The following CLUL1 variants were observed in gnomAD, a reference collection of about 807,000 sequenced individuals.
The protein encoded by CLUL1 is clusterin-like protein 1.
A neutral mutation model predicts 49.4 loss-of-function variants in CLUL1; 43 were observed. The ratio of observed to expected loss-of-function variants is 0.87; its 90% CI spans 0.68 to 1.12. The LOEUF is 1.12. Among genes scored for constraint, CLUL1 ranks in the 50% most tolerant of loss-of-function variants. CLUL1 has a pLI of 0.00. For synonymous variants in CLUL1, 192 were observed against 184.9 expected (o/e 1.04, Z -0.31); for missense variants, 486 against 544.4 (o/e 0.89, Z 1.07).
At chr18:631,998 A>AGT (rs2074005202) in intron 6 of CLUL1, among the ~76,000 whole-genome samples, 1 of 152,224 alleles carries the variant, frequency 6.6e-6, no homozygotes, top group Non-Finnish European at 1.5e-5. Context: ...TCTATCGAAC[A>AGT]GTGCTTCACT....
Position 627,344 on chromosome 18 carries a change from C to T in CLUL1, c.671C>T (p.Thr224Ile), listed in dbSNP as rs2073839872. 6.2e-7 allele frequency: 1 copy of T among 1,614,126 alleles called. No individual in the cohort carries two copies. The highest frequency in any genetic ancestry group is 8.5e-7 in the Non-Finnish European group (1 of 1,180,012). The change falls in exon 6 of 10, where the codon ACT becomes ATT. Residue 224 changes from threonine to isoleucine, a missense_variant. By Grantham distance (89) the Thr-to-Ile change is moderately conservative (BLOSUM62 -1). Coordinates refer to ENST00000692774, the MANE Select transcript of CLUL1 (RefSeq NM_001393344.1). The part of the protein sequence containing the change: ...QSHFISDTDL[T>I]EPYFFPAFSK... ...CATTTCATATCAGATACAGACCTAA[C>T]TGAGCCTTACTTTTTTCCAGCTTTC...
Position 630,861 on chromosome 18 carries a change from A to ATT in CLUL1, c.857-2425_857-2424dup, listed in dbSNP as rs59357214. Among the ~76,000 whole-genome samples, 562 of 140,794 alleles carry ATT rather than the reference A, an allele frequency of 4.0e-3. 2 individuals carry two copies. The highest frequency in any genetic ancestry group is 0.014 in the African/African-American group (538 of 38,440). The allele number at this position is 140,794 out of a possible 152,430, so 92.4% of individuals were successfully genotyped here. A position where few individuals can be genotyped will look rare whatever the true frequency, so the allele number is the denominator to read the frequency against. On this transcript the variant is annotated intron_variant, in intron 6 of 9. Transcript: ENST00000692774. ...GCCACCACGCCCAGCTAATTTTTGCATTTTTTTTTTTTTGAGACAGATGAC... is the reference window on the plus strand; with the variant it reads ...GCCACCACGCCCAGCTAATTTTTGCATTTTTTTTTTTTTTTGAGACAGATGAC...
rs762163138 is a variant in CLUL1 at position 607,112 on chromosome 18, A to C, written c.-14+13A>C. On this transcript the variant is annotated intron_variant, in intron 2 of 9. Coordinates refer to ENST00000692774, the MANE Select transcript of CLUL1 (RefSeq NM_001393344.1). ...CCTGGGACTACAGGTATGCACCGCT[A>C]TACCCGTCTATCTTTTATTTATTTA... 9 of 701,644 alleles carry C rather than the reference A, an allele frequency of 1.3e-5. No homozygotes were observed. The highest frequency in any genetic ancestry group is 2.1e-5 in the Non-Finnish European group (8 of 384,680). 43.5% of individuals were successfully genotyped at this position (701,644 alleles called of 1,614,324 possible). A position where few individuals can be genotyped will look rare whatever the true frequency, so the allele number is the denominator to read the frequency against.
chr18:606,253 A>G lies in CLUL1; in HGVS notation c.-135-725A>G, dbSNP rs1006024768. 6.6e-6 allele frequency among the ~76,000 whole-genome samples: 1 copy of G among 152,102 alleles called. No individual in the cohort carries two copies. Among genetic ancestry groups the G allele is most frequent in the African/African-American group, 2.4e-5 (1 of 41,412 alleles). ...GTGCAGACCCACAACAGGGAGAAGG[A>G]CGGCCACAGTCCCTCAATCCCCCTT... On this transcript the variant is annotated intron_variant, in intron 1 of 9. Coordinates refer to ENST00000692774, the MANE Select transcript of CLUL1 (RefSeq NM_001393344.1). This position sits in a 1 kb window ranked among gnomAD's most constrained non-coding sequence, Gnocchi z 4.1.
At chr18:640,301 T>G (rs1385950294) in intron 7 of CLUL1, among the ~76,000 whole-genome samples, 1 of 151,858 alleles carries the variant, frequency 6.6e-6, no homozygotes, top group Non-Finnish European at 1.5e-5. Context: ...TCCTAGCTAC[T>G]CAGGAGGCTA....
intron 2 of CLUL1, 41 bp from the exon 3 acceptor site, chr18:617,947 A>G: frequency 6.4e-7 from 1 of 1,553,092 alleles, no homozygotes; most frequent in South Asian, 1.1e-5. Flanking sequence ...GAAACTAACC[A>G]AATGGAAGAC....
intron 7 of CLUL1, among the ~76,000 whole-genome samples, chr18:640,681 T>G (rs2074319176): frequency 6.6e-6 from 1 of 152,216 alleles, no homozygotes; most frequent in East Asian, 1.9e-4. Context: ...TACATTTGCT[T>G]TCAAGGTTTT....
In CLUL1 at chr18:626,859, T is replaced by G. The variant is rs759245968; in HGVS notation, c.424-238T>G. On this transcript the variant is annotated intron_variant, in intron 5 of 9. Transcript: ENST00000692774. ...CTGAGTGACAGAGCAAGACTCCATCTCAAATAAGAAAGAAAGAAAGAAAGA... is the reference window on the plus strand; with the variant it reads ...CTGAGTGACAGAGCAAGACTCCATCGCAAATAAGAAAGAAAGAAAGAAAGA... 1.9e-3 allele frequency among the ~76,000 whole-genome samples: 202 copies of G among 106,872 alleles called. 10 individuals carry two copies. The highest frequency in any genetic ancestry group is 3.0e-3 in the Non-Finnish European group (153 of 50,620). The allele number at this position is 106,872 out of a possible 152,430, so 70.1% of individuals were successfully genotyped here. A position where few individuals can be genotyped will look rare whatever the true frequency, so the allele number is the denominator to read the frequency against.
chr18:611,790 T>C (rs140838182), intron 2 of CLUL1, among the ~76,000 whole-genome samples: 2 of 152,180 alleles, frequency 1.3e-5, no homozygotes, highest in Non-Finnish European at 2.9e-5. Flanking sequence ...TTGGTCATCA[T>C]TGGCTTCTTG....
chr18:608,399 C>G (rs2073040994), intron 2 of CLUL1, among the ~76,000 whole-genome samples: 1 of 152,174 alleles, frequency 6.6e-6, no homozygotes. Flanking sequence ...TCTTGGTGAT[C>G]AGGGAGGTGT....
At chr18:626,936 AAGG>A (rs1567966733) in intron 5 of CLUL1, among the ~76,000 whole-genome samples, 158 bp from the exon 6 acceptor site, 283 of 2,908 alleles carry the variant, frequency 0.097, 97 homozygotes, top group Non-Finnish European at 0.29. Flanking sequence ...AGAAGGAAAG[AAGG>A]AAAGAAGGAA....
intron 7 of CLUL1, among the ~76,000 whole-genome samples, chr18:639,129 A>C (rs571874797): frequency 6.7e-6 from 1 of 148,286 alleles, no homozygotes; most frequent in East Asian, 1.9e-4. Flanking sequence ...TTTAAACTTA[A>C]AAACATGCTT....
chr18:613,364 C>T (rs2073197493), intron 2 of CLUL1: 1 of 285,382 alleles, frequency 3.5e-6, no homozygotes, highest in East Asian at 5.6e-5. Flanking sequence ...GTCTTGAACT[C>T]CTGACCCAAG....
At chr18:603,534 C>A (rs1171501905) in intron 1 of CLUL1, among the ~76,000 whole-genome samples, 1 of 152,056 alleles carries the variant, frequency 6.6e-6, no homozygotes, top group Non-Finnish European at 1.5e-5. Context: ...AACAATGCAC[C>A]CTTTACCCAG....
At chr18:617,595 C>CAAA (rs11422881) in intron 2 of CLUL1, among the ~76,000 whole-genome samples, 69 of 81,358 alleles carry the variant, frequency 8.5e-4, no homozygotes, top group East Asian at 1.8e-3. Flanking sequence ...AACTCCGTCT[C>CAAA]AAAAAAAAAA....
intron 4 of CLUL1, among the ~76,000 whole-genome samples, chr18:619,687 T>G (rs1419365338): frequency 1.3e-5 from 2 of 151,876 alleles, no homozygotes; most frequent in Non-Finnish European, 2.9e-5. Flanking sequence ...TTTTACTAGA[T>G]CAGTGGTCTC....
intron 2 of CLUL1, among the ~76,000 whole-genome samples, chr18:612,095 T>C (rs1274868496): frequency 6.6e-6 from 1 of 152,240 alleles, no homozygotes; most frequent in Non-Finnish European, 1.5e-5. Flanking sequence ...ATCTCTTTCC[T>C]GGTGATTAAA....
At chr18:626,926 A>G (rs1254576557) in intron 5 of CLUL1, among the ~76,000 whole-genome samples, 171 bp from the exon 6 acceptor site, 2 of 1,828 alleles carry the variant, frequency 1.1e-3, no homozygotes, top group African/African-American at 1.3e-3. Flanking sequence ...AAAGAAAGAA[A>G]GAAGGAAAGA....
intron 2 of CLUL1, among the ~76,000 whole-genome samples, chr18:609,440 A>G (rs765151003): frequency 1.3e-5 from 2 of 152,092 alleles, no homozygotes; most frequent in Non-Finnish European, 2.9e-5. Flanking sequence ...GGGACACGGA[A>G]TAAATTGTGT....
Sources: gnomAD v4.1 joint callset for allele counts (sites outside exome capture counted in the v4.1 genomes callset) on GRCh38, gnomAD v4.1.1 for gene constraint, Gnocchi (gnomAD v3.1) non-coding constraint, MANE v1.5 for transcripts, NCBI Gene and HGNC (gene_info 2026-07-23, HGNC 2026-07-21) for gene names.